The following FBXW4 variants were observed in gnomAD, a reference collection of about 807,000 sequenced individuals.
FBXW4 encodes F-box and WD repeat domain containing 4.
A neutral mutation model predicts 61.8 loss-of-function variants in FBXW4; 40 were observed. The observed-to-expected ratio is 0.65, with a 90% CI of 0.50 to 0.84. FBXW4 has a LOEUF of 0.84. Among genes scored for constraint, FBXW4 ranks in the 40% least tolerant of loss-of-function variants. The pLI is 0.00. For missense variants in FBXW4, 672 were observed against 753.8 expected (o/e 0.89, Z 1.27); for synonymous variants, 311 against 313.8 (o/e 0.99, Z 0.10).
intron 5 of FBXW4, chr10:101,625,140 G>A (rs552501885): frequency 2.4e-5 from 7 of 287,516 alleles, no homozygotes; most frequent in South Asian, 4.7e-5. Context: ...CGAGCCTGTC[G>A]GGCTCCTGTT....
At chr10:101,662,412 C>T (rs998480527) in intron 5 of FBXW4, among the ~76,000 whole-genome samples, 2 of 152,178 alleles carry the variant, frequency 1.3e-5, no homozygotes, top group African/African-American at 2.4e-5. Flanking sequence ...AAATTTGAAT[C>T]GGTACATTTC....
intron 6 of FBXW4, among the ~76,000 whole-genome samples, chr10:101,617,276 G>A (rs1483776401): frequency 2.0e-5 from 3 of 152,138 alleles, no homozygotes; most frequent in African/African-American, 2.4e-5. Context: ...CTTCAGGGTG[G>A]TGGCACTCCC....
At position 101,673,689 on chromosome 10, in the gene FBXW4, A is replaced by G. The variant is rs1469499142; in HGVS notation, c.822-16T>C. On this transcript the variant is annotated splice_polypyrimidine_tract_variant and intron_variant, in intron 2 of 8. Transcript: ENST00000331272. ...GGGCATCTGACTGAAATGATGGAAA[A>G]GAAAATTTAAAAGTCATCAAGATAC... is the stretch of plus-strand genomic sequence containing the variant. 5.0e-6 allele frequency: 8 copies of G among 1,608,806 alleles called. No individual in the cohort carries two copies. Among genetic ancestry groups the G allele is most frequent in the African/African-American group, 1.3e-5 (1 of 74,748 alleles).
intron 1 of FBXW4, among the ~76,000 whole-genome samples, chr10:101,676,962 G>A (rs2064417341): frequency 6.6e-6 from 1 of 152,122 alleles, no homozygotes; most frequent in South Asian, 2.1e-4. Flanking sequence ...TCACCAAAAT[G>A]AATACACAAG....
intron 5 of FBXW4, among the ~76,000 whole-genome samples, chr10:101,653,404 C>A (rs575001715): frequency 6.6e-6 from 1 of 152,328 alleles, no homozygotes; most frequent in African/African-American, 2.4e-5. Flanking sequence ...TGCTCTTCAA[C>A]ACCCTCCAAA....
intron 6 of FBXW4, 30 bp downstream of exon 6, chr10:101,624,715 G>A: frequency 1.2e-6 from 2 of 1,613,142 alleles, no homozygotes; most frequent in Non-Finnish European, 1.7e-6. Flanking sequence ...TCCTGGACTG[G>A]AAGCCAGCAT....
chr10:101,663,281 C>G (rs2064263538), intron 5 of FBXW4, among the ~76,000 whole-genome samples: 2 of 152,150 alleles, frequency 1.3e-5, no homozygotes. Context: ...TATCATCTCC[C>G]CACCACTGAA....
chr10:101,679,099 T>C (rs1379541437), intron 1 of FBXW4, among the ~76,000 whole-genome samples: 2 of 152,188 alleles, frequency 1.3e-5, no homozygotes, highest in Non-Finnish European at 2.9e-5. Flanking sequence ...TAAGTATATA[T>C]GCATGTTGCC....
chr10:101,654,296 G>T (rs1589762230), intron 5 of FBXW4, among the ~76,000 whole-genome samples: 1 of 151,952 alleles, frequency 6.6e-6, no homozygotes, highest in East Asian at 1.9e-4. Flanking sequence ...ATGGAATTGT[G>T]GTGATAGTTG....
intron 5 of FBXW4, among the ~76,000 whole-genome samples, chr10:101,661,146 C>T (rs536012418): frequency 5.3e-5 from 8 of 152,312 alleles, no homozygotes; most frequent in South Asian, 2.1e-4. Flanking sequence ...AGTATTCAGC[C>T]GTCTGCAGGA....
intron 1 of FBXW4, among the ~76,000 whole-genome samples, chr10:101,689,729 C>T (rs1308585261): frequency 1.3e-5 from 2 of 152,174 alleles, no homozygotes; most frequent in Non-Finnish European, 2.9e-5. Context: ...CTTTCTGGGT[C>T]AAGAAAATGC....
chr10:101,693,346 A>T (rs1363693828), intron 1 of FBXW4, among the ~76,000 whole-genome samples: 1 of 152,166 alleles, frequency 6.6e-6, no homozygotes, highest in Non-Finnish European at 1.5e-5. Flanking sequence ...TCAAAAATGC[A>T]TTATTTCATT....
Position 101,611,549 on chromosome 10 carries a change from G to C in FBXW4, c.1584+79C>G. The C allele has an allele frequency of 1.3e-6, 2 of 1,585,170 alleles. No individual in the cohort carries two copies. Among genetic ancestry groups the C allele is most frequent in the Non-Finnish European group, 1.7e-6 (2 of 1,161,704 alleles). On this transcript the variant is annotated intron_variant, in intron 8 of 8. Transcript: ENST00000331272. This position sits in a 1 kb window ranked among gnomAD's most constrained non-coding sequence, Gnocchi z 4.9. ...TCCAACCCTTTCTAGGCACGTCCTTGGCTACCTCACCCTCTCCCAAATGCA... is the reference window on the plus strand; with the variant it reads ...TCCAACCCTTTCTAGGCACGTCCTTCGCTACCTCACCCTCTCCCAAATGCA...
intron 5 of FBXW4, among the ~76,000 whole-genome samples, chr10:101,636,596 T>C (rs1322895709): frequency 1.3e-5 from 2 of 151,948 alleles, no homozygotes; most frequent in Non-Finnish European, 2.9e-5. Flanking sequence ...ATCTTTTTTT[T>C]TTTTTTTAAA....
At chr10:101,695,210 C>G (rs1293002300), upstream of FBXW4, 2 of 984,794 alleles carry the variant, frequency 2.0e-6, no homozygotes, top group Non-Finnish European at 2.4e-6. This position sits in a 1 kb window ranked among gnomAD's most constrained non-coding sequence, Gnocchi z 4.2. Context: ...TGGGGCGGCG[C>G]GGGCCGAGCC....
rs771930157 is a variant in FBXW4 at position 101,612,486 on chromosome 10, G to A, written c.1302-9C>T. On this transcript the variant is annotated splice_polypyrimidine_tract_variant and intron_variant, in intron 6 of 8. Transcript: ENST00000331272. ...GTGTCATCAGCTGCCCACTGGGAAG[G>A]GAAGGACGGAGTGAGAGGCTGCTCC... is the stretch of plus-strand genomic sequence containing the variant. 6.4e-7 allele frequency: 1 copy of A among 1,553,126 alleles called. No individual in the cohort carries two copies. The highest frequency in any genetic ancestry group is 2.4e-5 in the East Asian group (1 of 41,904).
intron 5 of FBXW4, among the ~76,000 whole-genome samples, chr10:101,642,831 C>T (rs144561174): frequency 1.5e-3 from 231 of 152,336 alleles, no homozygotes; most frequent in Non-Finnish European, 1.2e-3. Context: ...TGCCCACCAT[C>T]AGCGCCACCA....
chr10:101,637,011 T>C (rs1344644310), intron 5 of FBXW4, among the ~76,000 whole-genome samples: 2 of 152,146 alleles, frequency 1.3e-5, no homozygotes, highest in African/African-American at 4.8e-5. Flanking sequence ...TAGGGATTAA[T>C]GGAGCAAGGT....
At chr10:101,681,323 G>A (rs879262609) in intron 1 of FBXW4, among the ~76,000 whole-genome samples, 41 of 151,558 alleles carry the variant, frequency 2.7e-4, no homozygotes, top group Admixed American at 2.5e-3. Flanking sequence ...GACAGGTGGA[G>A]GTTGCAGTGA....
Sources: gnomAD v4.1 joint callset for allele counts (sites outside exome capture counted in the v4.1 genomes callset) on GRCh38, gnomAD v4.1.1 for gene constraint, Gnocchi (gnomAD v3.1) non-coding constraint, MANE v1.5 for transcripts, NCBI Gene and HGNC (gene_info 2026-07-23, HGNC 2026-07-21) for gene names.